ITPRIPL2: variants seen among roughly 807,000 people sequenced by gnomAD.
The protein encoded by ITPRIPL2 is inositol 1,4,5-trisphosphate receptor-interacting protein-like 2.
Under a neutral mutation model 31.7 loss-of-function variants are expected in ITPRIPL2, and 29 were observed. The observed-to-expected ratio is 0.91, with a 90% CI of 0.68 to 1.25. The LOEUF (loss-of-function observed/expected upper bound fraction) is 1.25, where lower values mean the gene tolerates loss of function less well. ITPRIPL2 is among the 50% of genes most tolerant of loss of function. The pLI is 0.00. For missense variants in ITPRIPL2, 696 were observed against 739.1 expected, an observed-to-expected ratio of 0.94 and a Z score of 0.68; for synonymous variants, 344 against 343.4, an observed-to-expected ratio of 1.00 and a Z score of -0.02.
chr16:19,120,983 G>A lies in ITPRIPL2; in HGVS notation c.*4914G>A, dbSNP rs181720893. ...TTCAGTGGTGGGGAAAATGAACCTCGGTAACATTTCCAATGTCCTTCAAGA... is the reference window on the plus strand; with the variant it reads ...TTCAGTGGTGGGGAAAATGAACCTCAGTAACATTTCCAATGTCCTTCAAGA... On this transcript the variant is annotated 3_prime_UTR_variant, in exon 1 of 1. Transcript: ENST00000381440. The A allele has an allele frequency of 1.0e-4, 17 of 166,682 alleles. No homozygotes were observed. The Admixed American group carries it at 1.0e-3, about 10-fold the overall frequency. 10.3% of individuals were successfully genotyped at this position (166,682 alleles called of 1,614,324 possible).
Position 19,118,942 on chromosome 16 carries a change from A to G in ITPRIPL2, c.*2873A>G, listed in dbSNP as rs1316107323. The stretch of plus-strand genomic sequence containing the variant: ...TCTGAAATGTACACATTTTTGGTGT[A>G]TGCTTGGTACTGGAGATTCATATAT... On this transcript the variant is annotated 3_prime_UTR_variant, in exon 1 of 1. Coordinates refer to ENST00000381440, the MANE Select transcript of ITPRIPL2 (RefSeq NM_001034841.4). 1 of 413,374 alleles carries G rather than the reference A, an allele frequency of 2.4e-6. No homozygotes were observed. The highest frequency in any genetic ancestry group is 3.6e-5 in the East Asian group (1 of 28,096). The allele number at this position is 413,374 out of a possible 1,614,324, so 25.6% of individuals were successfully genotyped here.
rs1963478466 is a variant in ITPRIPL2, at chr16:19,118,952, C to T, written c.*2883C>T. The T allele has an allele frequency of 2.4e-6, 1 of 413,340 alleles. No individual in the cohort carries two copies. Among genetic ancestry groups the T allele is most frequent in the South Asian group, 1.3e-4 (1 of 7,860 alleles). 25.6% of individuals were successfully genotyped at this position (413,340 alleles called of 1,614,324 possible). The stretch of plus-strand genomic sequence containing the variant: ...ACACATTTTTGGTGTATGCTTGGTA[C>T]TGGAGATTCATATATGCAAATATTC... On this transcript the variant is annotated 3_prime_UTR_variant, in exon 1 of 1. Coordinates refer to ENST00000381440, the MANE Select transcript of ITPRIPL2 (RefSeq NM_001034841.4).
Position 19,121,094 on chromosome 16 carries a change from A to G in ITPRIPL2, c.*5025A>G, listed in dbSNP as rs1424330283. ...TGTTTAGATACAACTTTATTTTTTT[A>G]TACCTACATAGCACATGACTGGGGG... On this transcript the variant is annotated 3_prime_UTR_variant, in exon 1 of 1. Transcript: ENST00000381440. 1.2e-5 allele frequency: 2 copies of G among 163,118 alleles called. No individual in the cohort carries two copies. The highest frequency in any genetic ancestry group is 3.0e-5 in the Non-Finnish European group (2 of 67,100). 10.1% of individuals were successfully genotyped at this position (163,118 alleles called of 1,614,324 possible).
In ITPRIPL2 at chr16:19,115,130, C is replaced by A; in HGVS notation, c.669C>A (p.Gly223=). The A allele has an allele frequency of 6.2e-7, 1 of 1,602,514 alleles. No homozygotes were observed. The highest frequency in any genetic ancestry group is 8.5e-7 in the Non-Finnish European group (1 of 1,179,922). Residue 223 remains glycine (G), a synonymous_variant, in exon 1 of 1, where the codon GGC becomes GGA. Coordinates refer to ENST00000381440, the MANE Select transcript of ITPRIPL2 (RefSeq NM_001034841.4). The stretch of plus-strand genomic sequence containing the variant: ...CCTCACCATCGGGGGCCTCGGGGGG[C>A]CACTGGCTTCGGGACTGCAAACCCT... ...APPSPSGASG[G]HWLRDCKPFA...
Position 19,115,750 on chromosome 16 carries a change from TG to T in ITPRIPL2, c.1292del (p.Gly431GlufsTer42), listed in dbSNP as rs754873542. ...GGGCAAGGCTGGGACGAGGAGCACCTGGGAAGGTGTTTGGAGGAGTTGGTGC... is the reference window on the plus strand; with the variant it reads ...GGGCAAGGCTGGGACGAGGAGCACCTGGAAGGTGTTTGGAGGAGTTGGTGC... ...APGQGWDEEH[L>X]GRCLEELVQF... On this transcript the variant is annotated frameshift_variant, in exon 1 of 1. Coordinates refer to ENST00000381440, the MANE Select transcript of ITPRIPL2 (RefSeq NM_001034841.4). LOFTEE classifies it high-confidence loss of function. 1 of 1,613,044 alleles carries T rather than the reference TG, an allele frequency of 6.2e-7. No individual in the cohort carries two copies. The highest frequency in any genetic ancestry group is 1.1e-5 in the South Asian group (1 of 91,090).
rs1272813920 is a variant in ITPRIPL2, at chr16:19,115,252, C to T, written c.791C>T (p.Ala264Val). The part of the protein sequence containing the change: ...WFQSHLQRSL[A>V]TVRYSLEGRC... ...CAGTCGCATCTGCAGCGCTCCTTGG[C>T]CACTGTGCGTTACAGCCTGGAGGGG... The change falls in exon 1 of 1, where the codon GCC (alanine) becomes GTC (valine). Residue 264 changes from alanine to valine, a missense_variant. Ala to Val is a moderately conservative substitution (Grantham distance 64). Coordinates refer to ENST00000381440, the MANE Select transcript of ITPRIPL2 (RefSeq NM_001034841.4). The T allele has an allele frequency of 1.2e-6, 2 of 1,611,810 alleles. No homozygotes were observed. The highest frequency in any genetic ancestry group is 2.2e-5 in the East Asian group (1 of 44,884).
Position 19,119,476 on chromosome 16 carries a change from GT to G in ITPRIPL2, c.*3419del, listed in dbSNP as rs113094304. 275 of 162,050 alleles carry G rather than the reference GT, an allele frequency of 1.7e-3. No individual in the cohort carries two copies. The highest frequency in any genetic ancestry group is 8.8e-3 in the East Asian group (46 of 5,246). The allele number at this position is 162,050 out of a possible 1,614,324, so 10.0% of individuals were successfully genotyped here. A position where few individuals can be genotyped will look rare whatever the true frequency, so the allele number is the denominator to read the frequency against. On this transcript the variant is annotated 3_prime_UTR_variant, in exon 1 of 1. Transcript: ENST00000381440. ...AATGGGGCAACAAGCTGGAAATCAGGTTTTTTTTTTTTAAAGTGAAACTTGA... is the reference window on the plus strand; with the variant it reads ...AATGGGGCAACAAGCTGGAAATCAGGTTTTTTTTTTTAAAGTGAAACTTGA...
chr16:19,114,637 T>G lies in ITPRIPL2; in HGVS notation c.176T>G (p.Leu59Arg). The G allele has an allele frequency of 6.2e-7, 1 of 1,601,462 alleles. No homozygotes were observed. The highest frequency in any genetic ancestry group is 8.5e-7 in the Non-Finnish European group (1 of 1,174,478). ...CTTAAGGTGGCCGTCCTGCTCCTCCTCAGCTATGTCCTCCTGCGCTGTCGC... is the reference window on the plus strand; with the variant it reads ...CTTAAGGTGGCCGTCCTGCTCCTCCGCAGCTATGTCCTCCTGCGCTGTCGC... ...PLLKVAVLLL[L>R]SYVLLRCRHA... The change falls in exon 1 of 1, where the codon CTC (leucine) becomes CGC (arginine). Residue 59 changes from leucine to arginine, a missense_variant. Physicochemically the swap from Leu to Arg is moderately radical, Grantham distance 102. Transcript: ENST00000381440.
rs1417029584 is a variant in ITPRIPL2, at chr16:19,114,042, C to G, written c.-420C>G. ...CTAGCTGGCGCGGCCTCGCCTCCCC[C>G]TCGGAAGAGGAAACTCCCGGGGTCC... On this transcript the variant is annotated 5_prime_UTR_variant, in exon 1 of 1. Transcript: ENST00000381440. 2.5e-6 allele frequency: 1 copy of G among 397,606 alleles called. No individual in the cohort carries two copies. The highest frequency in any genetic ancestry group is 2.1e-5 in the African/African-American group (1 of 48,604). The allele number at this position is 397,606 out of a possible 1,614,324, so 24.6% of individuals were successfully genotyped here.
Position 19,114,544 on chromosome 16 carries a change from A to G in ITPRIPL2, c.83A>G (p.His28Arg). Residue 28 changes from histidine (H) to arginine (R), a missense_variant, in exon 1 of 1, where the codon CAT becomes CGT. By Grantham distance (29) the His-to-Arg change is conservative. Coordinates refer to ENST00000381440, the MANE Select transcript of ITPRIPL2 (RefSeq NM_001034841.4). Reference protein sequence around the residue: ...GLCTALVCLYHVLRGSGGARA... With the variant: ...GLCTALVCLYRVLRGSGGARA... ...TGCACCGCCCTGGTGTGCCTCTACCATGTCCTGCGGGGAAGCGGGGGCGCC... is the reference window on the plus strand; with the variant it reads ...TGCACCGCCCTGGTGTGCCTCTACCGTGTCCTGCGGGGAAGCGGGGGCGCC... 6.6e-7 allele frequency: 1 copy of G among 1,524,596 alleles called. No homozygotes were observed. The highest frequency in any genetic ancestry group is 1.3e-5 in the South Asian group (1 of 77,384). The allele number at this position is 1,524,596 out of a possible 1,614,324, so 94.4% of individuals were successfully genotyped here.
Position 19,114,252 on chromosome 16 carries a change from C to T in ITPRIPL2, c.-210C>T, listed in dbSNP as rs1963399913. ...GGGCGCGGCCCGGGGCCCGAGAGCGCAGGGCGGGCCGCAGCTGGAAGGAAC... is the reference window on the plus strand; with the variant it reads ...GGGCGCGGCCCGGGGCCCGAGAGCGTAGGGCGGGCCGCAGCTGGAAGGAAC... On this transcript the variant is annotated 5_prime_UTR_variant, in exon 1 of 1. Transcript: ENST00000381440. 1.4e-5 allele frequency: 5 copies of T among 361,174 alleles called. No homozygotes were observed. Among genetic ancestry groups the T allele is most frequent in the East Asian group, 4.1e-5 (1 of 24,180 alleles). The allele number at this position is 361,174 out of a possible 1,614,324, so 22.4% of individuals were successfully genotyped here.
rs763147007 is a variant in ITPRIPL2 at position 19,115,119 on chromosome 16, G to C, written c.658G>C (p.Ala220Pro). The part of the protein sequence containing the change: ...ALKAPPSPSG[A>P]SGGHWLRDCK... ...CAAGGCACCACCCTCACCATCGGGG[G>C]CCTCGGGGGGCCACTGGCTTCGGGA... Residue 220 changes from alanine (A) to proline (P), a missense_variant, in exon 1 of 1, where the codon GCC becomes CCC. Coordinates refer to ENST00000381440, the MANE Select transcript of ITPRIPL2 (RefSeq NM_001034841.4). The C allele has an allele frequency of 2.5e-6, 4 of 1,601,710 alleles. No individual in the cohort carries two copies. Among genetic ancestry groups the C allele is most frequent in the Non-Finnish European group, 3.4e-6 (4 of 1,179,906 alleles).
rs1963436685 is a variant in ITPRIPL2 at position 19,115,861 on chromosome 16, C to T, written c.1400C>T (p.Pro467Leu). Residue 467 changes from proline (P) to leucine (L), a missense_variant, in exon 1 of 1, where the codon CCC (proline) becomes CTC (leucine). Pro to Leu is a moderately conservative substitution (Grantham distance 98). Coordinates refer to ENST00000381440, the MANE Select transcript of ITPRIPL2 (RefSeq NM_001034841.4). The stretch of plus-strand genomic sequence containing the variant: ...GGTGGGGCGGCTGCCGAGGTGGGTC[C>T]CCTGCCCAAGGCACTGAGGGAAGCC... ...GPGGAAAEVG[P>L]LPKALREAAP... 1.2e-6 allele frequency: 2 copies of T among 1,612,084 alleles called. No homozygotes were observed. The highest frequency in any genetic ancestry group is 1.3e-5 in the African/African-American group (1 of 75,058).
Position 19,119,326 on chromosome 16 carries a change from T to C in ITPRIPL2, c.*3257T>C. The C allele has an allele frequency of 2.9e-6, 1 of 349,930 alleles. No individual in the cohort carries two copies. The highest frequency in any genetic ancestry group is 5.4e-6 in the Non-Finnish European group (1 of 186,676). 21.7% of individuals were successfully genotyped at this position (349,930 alleles called of 1,614,324 possible). ...TGAGAGAGGTTTGGGTTAGGAAACATGTTTTTAGTGCTATTTCCAACCAGG... is the reference window on the plus strand; with the variant it reads ...TGAGAGAGGTTTGGGTTAGGAAACACGTTTTTAGTGCTATTTCCAACCAGG... On this transcript the variant is annotated 3_prime_UTR_variant, in exon 1 of 1. Coordinates refer to ENST00000381440, the MANE Select transcript of ITPRIPL2 (RefSeq NM_001034841.4).
Position 19,116,028 on chromosome 16 carries a change from C to T in ITPRIPL2, c.1567C>T (p.Arg523Trp), listed in dbSNP as rs559018537. 56 of 1,606,232 alleles carry T rather than the reference C, an allele frequency of 3.5e-5. No individual in the cohort carries two copies. Among genetic ancestry groups the T allele is most frequent in the East Asian group, 2.5e-4 (11 of 44,742 alleles). ...PRYLARCPPPRSQRTQGFLEG... is the reference protein window; with the variant it reads ...PRYLARCPPPWSQRTQGFLEG... The stretch of plus-strand genomic sequence containing the variant: ...CTACCTTGCCAGGTGCCCCCCACCC[C>T]GGAGTCAGCGCACCCAGGGCTTCCT... The change falls in exon 1 of 1, where the codon CGG (arginine) becomes TGG (tryptophan). Residue 523 changes from arginine to tryptophan, a missense_variant. Transcript: ENST00000381440.
rs1451224144 is a variant in ITPRIPL2 at position 19,115,448 on chromosome 16, G to A, written c.987G>A (p.Leu329=). The change falls in exon 1 of 1, where the codon TTG becomes TTA. Residue 329 remains leucine (L), a synonymous_variant. Transcript: ENST00000381440. ...TTGTGGCGCCACCACCGCCACCCTT[G>A]CCCAGCGCGCCCCTGTTGGAGCTCC... ...VFLVAPPPPP[L]PSAPLLELPE... is the part of the protein sequence containing the mutation. The A allele has an allele frequency of 8.7e-6, 14 of 1,609,436 alleles. No homozygotes were observed. The highest frequency in any genetic ancestry group is 1.2e-5 in the Non-Finnish European group (14 of 1,179,966).
Position 19,117,163 on chromosome 16 carries a change from G to A in ITPRIPL2, c.*1094G>A, listed in dbSNP as rs1026258215. 2.4e-5 allele frequency: 4 copies of A among 167,136 alleles called. No individual in the cohort carries two copies. Among genetic ancestry groups the A allele is most frequent in the East Asian group, 3.8e-4 (2 of 5,206 alleles). The allele number at this position is 167,136 out of a possible 1,614,324, so 10.4% of individuals were successfully genotyped here. ...AGAGATTTCTTTCTGAGCTTAATGA[G>A]CTAATGAAGAGGAAATGCCTGCTGC... On this transcript the variant is annotated 3_prime_UTR_variant, in exon 1 of 1. Transcript: ENST00000381440.
In ITPRIPL2 at chr16:19,115,603, C is replaced by T. The variant is rs1371807521; in HGVS notation, c.1142C>T (p.Ala381Val). 2 of 1,607,422 alleles carry T rather than the reference C, an allele frequency of 1.2e-6. No individual in the cohort carries two copies. Among genetic ancestry groups the T allele is most frequent in the Non-Finnish European group, 1.7e-6 (2 of 1,179,068 alleles). The change falls in exon 1 of 1, where the codon GCT becomes GTT. Residue 381 changes from alanine to valine, a missense_variant. By Grantham distance (64) the Ala-to-Val change is moderately conservative. Coordinates refer to ENST00000381440, the MANE Select transcript of ITPRIPL2 (RefSeq NM_001034841.4). ...CYLKCLQLLK[A>V]LRDLGARGLD... Reference sequence around the variant, plus strand: ...CTCAAGTGCCTGCAGTTGCTTAAGGCTCTGCGCGATCTGGGGGCCCGTGGG... The same window carrying T: ...CTCAAGTGCCTGCAGTTGCTTAAGGTTCTGCGCGATCTGGGGGCCCGTGGG...
Position 19,114,478 on chromosome 16 carries a change from C to A in ITPRIPL2, c.17C>A (p.Thr6Asn). The A allele has an allele frequency of 1.4e-6, 2 of 1,443,548 alleles. No individual in the cohort carries two copies. The highest frequency in any genetic ancestry group is 1.8e-6 in the Non-Finnish European group (2 of 1,097,424). The allele number at this position is 1,443,548 out of a possible 1,614,324, so 89.4% of individuals were successfully genotyped here. The change falls in exon 1 of 1, where the codon ACC (threonine) becomes AAC (asparagine). Residue 6 changes from threonine (T) to asparagine (N), a missense_variant. Thr to Asn is a moderately conservative substitution (Grantham distance 65, BLOSUM62 0). Coordinates refer to ENST00000381440, the MANE Select transcript of ITPRIPL2 (RefSeq NM_001034841.4). MSVHY[T>N]LNLRVFWPLV... ...GCGCCCGGCATGTCGGTGCACTACA[C>A]CCTCAATCTACGCGTCTTCTGGCCC...
Sources: allele counts gnomAD v4.1 joint callset, GRCh38; gene constraint gnomAD v4.1.1; transcripts MANE v1.5; gene names NCBI Gene and HGNC (gene_info 2026-07-23, HGNC 2026-07-21).